The following CPA6 variants were observed in gnomAD, a reference collection of about 807,000 sequenced individuals.
CPA6 encodes carboxypeptidase B.
A neutral mutation model predicts 63.3 loss-of-function variants in CPA6; 58 were observed. That is an observed-to-expected ratio of 0.92 (90% CI 0.74 to 1.14). The LOEUF is 1.14. Among genes scored for constraint, CPA6 ranks in the 50% most tolerant of loss-of-function variants. The probability of loss-of-function intolerance (pLI) is 0.00; values close to 1 mark genes in which losing one functional copy is unlikely to be tolerated. For missense variants in CPA6, 565 were observed against 526.6 expected (o/e 1.07, Z -0.71); for synonymous variants, 185 against 179.0 (o/e 1.03, Z -0.27).
chr8:67,740,659 TC>T (rs1817894822), intron 1 of CPA6, among the ~76,000 whole-genome samples: 1 of 152,268 alleles, frequency 6.6e-6, no homozygotes, highest in South Asian at 2.1e-4. Context: ...AACTGCTGCC[TC>T]CCAGGTTCAA....
At chr8:67,691,088 C>T (rs1057439754) in intron 1 of CPA6, among the ~76,000 whole-genome samples, 2 of 152,070 alleles carry the variant, frequency 1.3e-5, no homozygotes, top group African/African-American at 4.8e-5. Context: ...TTTCTTTTTC[C>T]CATTCACTTA....
intron 2 of CPA6, among the ~76,000 whole-genome samples, chr8:67,556,362 G>C (rs1275616656): frequency 2.0e-5 from 3 of 152,180 alleles, no homozygotes; most frequent in African/African-American, 7.2e-5. Context: ...TCCACCTCCA[G>C]CATGTGGCTA....
intron 2 of CPA6, among the ~76,000 whole-genome samples, chr8:67,615,600 G>A (rs1369549667): frequency 6.6e-6 from 1 of 152,302 alleles, no homozygotes; most frequent in East Asian, 1.9e-4. Flanking sequence ...GTTCCTGAAG[G>A]TAGTGGCCTG....
intron 8 of CPA6, among the ~76,000 whole-genome samples, chr8:67,475,767 CTCTTTCTT>C (rs71253008): frequency 0.029 from 2,097 of 71,638 alleles, 117 homozygotes; most frequent in Admixed American, 0.059. Context: ...TTCTTTCTTT[CTCTTTCTT>C]TCTTTCTTTC....
At chr8:67,682,122 T>C (rs1208484776) in intron 1 of CPA6, among the ~76,000 whole-genome samples, 1 of 152,168 alleles carries the variant, frequency 6.6e-6, no homozygotes, top group African/African-American at 2.4e-5. Context: ...TAGTGTTTTT[T>C]TTCAAGCTTC....
At chr8:67,560,265 A>C (rs1352866265) in intron 2 of CPA6, among the ~76,000 whole-genome samples, 2 of 151,816 alleles carry the variant, frequency 1.3e-5, no homozygotes, top group African/African-American at 4.8e-5. Context: ...GAAATACTGC[A>C]TCTCCCAAAG....
chr8:67,669,073 A>T (rs1198070248), intron 1 of CPA6, among the ~76,000 whole-genome samples: 1 of 152,178 alleles, frequency 6.6e-6, no homozygotes, highest in African/African-American at 2.4e-5. Flanking sequence ...GAAAGGATGG[A>T]CTGGGACAGA....
intron 8 of CPA6, among the ~76,000 whole-genome samples, chr8:67,450,432 C>T (rs762757577): frequency 6.6e-6 from 1 of 152,182 alleles, no homozygotes. Context: ...AATCTAATTT[C>T]CATCCTCTCT....
At position 67,660,496 on chromosome 8, in the gene CPA6, AT is replaced by A. The variant is rs5892089; in HGVS notation, c.117-36246del. ...AGGCACACGGCATCATGCCCGGCTC[AT>A]TTTTTTTTTTTTTTTTTTTTTTGTA... On this transcript the variant is annotated intron_variant, in intron 1 of 10. Transcript: ENST00000297770. Among the ~76,000 whole-genome samples the A allele has an allele frequency of 3.0e-3, 237 of 78,914 alleles. 2 individuals are homozygous for A. Among genetic ancestry groups the A allele is most frequent in the Middle Eastern group, 8.3e-3 (1 of 120 alleles). The allele number at this position is 78,914 out of a possible 152,430, so 51.8% of individuals were successfully genotyped here. A position where few individuals can be genotyped will look rare whatever the true frequency, so the allele number is the denominator to read the frequency against.
chr8:67,538,745 C>T (rs1418297515), intron 2 of CPA6, among the ~76,000 whole-genome samples: 6 of 150,790 alleles, frequency 4.0e-5, no homozygotes, highest in South Asian at 2.1e-4. Flanking sequence ...CTGCAAGCAC[C>T]GCCTCTCAGG....
At chr8:67,693,039 G>A (rs1457540982) in intron 1 of CPA6, among the ~76,000 whole-genome samples, 2 of 152,186 alleles carry the variant, frequency 1.3e-5, no homozygotes, top group Non-Finnish European at 2.9e-5. Context: ...ACTGCCATCT[G>A]TAGCTATTGT....
At chr8:67,524,613 C>CATT (rs1554670781) in intron 2 of CPA6, among the ~76,000 whole-genome samples, 18,208 of 149,480 alleles carry the variant, frequency 0.12, 1,217 homozygotes, top group East Asian at 0.22. Flanking sequence ...TTTGAAAAAA[C>CATT]TTTTTTTGTT....
chr8:67,634,080 T>C (rs1815407471), intron 1 of CPA6, among the ~76,000 whole-genome samples: 2 of 146,874 alleles, frequency 1.4e-5, no homozygotes, highest in South Asian at 4.1e-4. Flanking sequence ...TGAATTAAAA[T>C]GACATCATTA....
At chr8:67,565,410 A>G (rs1351710610) in intron 2 of CPA6, among the ~76,000 whole-genome samples, 1 of 152,146 alleles carries the variant, frequency 6.6e-6, no homozygotes, top group African/African-American at 2.4e-5. Flanking sequence ...TATTTCTGAA[A>G]ATGACACTCA....
At chr8:67,741,698 A>G (rs573797162) in intron 1 of CPA6, among the ~76,000 whole-genome samples, 65 of 152,294 alleles carry the variant, frequency 4.3e-4, no homozygotes, top group African/African-American at 1.5e-3. Context: ...ATTTCTGATG[A>G]TACGTCACTG....
At chr8:67,524,862 A>G (rs554065023) in intron 2 of CPA6, among the ~76,000 whole-genome samples, 2 of 152,208 alleles carry the variant, frequency 1.3e-5, no homozygotes, top group South Asian at 2.1e-4. Flanking sequence ...AAGGTAGTCC[A>G]CTTGAATTTT....
intron 1 of CPA6, among the ~76,000 whole-genome samples, chr8:67,690,298 A>G (rs1816790326): frequency 6.6e-6 from 1 of 152,174 alleles, no homozygotes; most frequent in Non-Finnish European, 1.5e-5. Flanking sequence ...GATATATCAG[A>G]GGTTAATATT....
At chr8:67,535,622 T>C (rs561734186) in intron 2 of CPA6, among the ~76,000 whole-genome samples, 2 of 152,174 alleles carry the variant, frequency 1.3e-5, no homozygotes, top group African/African-American at 2.4e-5. Flanking sequence ...GTCAGATGGA[T>C]AGATTGCAAA....
chr8:67,713,141 T>TATATATATATATA (rs1563404209), intron 1 of CPA6, among the ~76,000 whole-genome samples: 6 of 68,904 alleles, frequency 8.7e-5, no homozygotes, highest in South Asian at 6.2e-4. Flanking sequence ...ATATATATAT[T>TATATATATATATA]AACAGGGTTC....
Sources: allele counts gnomAD v4.1 joint callset (sites outside exome capture counted in the v4.1 genomes callset), GRCh38; gene constraint gnomAD v4.1.1; transcripts MANE v1.5; gene names NCBI Gene and HGNC (gene_info 2026-07-23, HGNC 2026-07-21).